Variants in KCNC2 observed in about 807,000 individuals in gnomAD.
KCNC2 encodes the protein potassium voltage-gated channel subfamily C member 2, also known as voltage-gated potassium channel KCNC2.
Under a neutral mutation model 44.5 loss-of-function variants are expected in KCNC2, and 21 were observed. That is an observed-to-expected ratio of 0.47 (90% confidence interval 0.33 to 0.68). KCNC2 has a LOEUF of 0.68. KCNC2 is among the 30% of genes least tolerant of loss of function. The pLI is 0.01. For missense variants in KCNC2, 589 were observed against 826.2 expected, an observed-to-expected ratio of 0.71 and a Z score of 3.52; for synonymous variants, 391 against 339.1, an observed-to-expected ratio of 1.15 and a Z score of -1.68.
chr12:75,175,493 G>T (rs1213082874), intron 2 of KCNC2, among the ~76,000 whole-genome samples: 1 of 151,954 alleles, frequency 6.6e-6, no homozygotes, highest in African/African-American at 2.4e-5. Context: ...TGACAGAATT[G>T]TACATTTGGT....
intron 2 of KCNC2, among the ~76,000 whole-genome samples, chr12:75,129,869 G>T (rs1888704941): frequency 6.6e-6 from 1 of 152,130 alleles, no homozygotes; most frequent in Non-Finnish European, 1.5e-5. Flanking sequence ...TGGCAATTTA[G>T]GTATGTGGTT....
chr12:75,178,317 A>G (rs534848681), intron 2 of KCNC2, among the ~76,000 whole-genome samples: 2 of 152,138 alleles, frequency 1.3e-5, no homozygotes, highest in South Asian at 4.1e-4. Flanking sequence ...CTGTTATAAT[A>G]TAAATAAGGT....
intron 2 of KCNC2, among the ~76,000 whole-genome samples, chr12:75,104,016 C>T (rs763094069): frequency 6.6e-6 from 1 of 152,014 alleles, no homozygotes; most frequent in African/African-American, 2.4e-5. Context: ...TCTGATGATG[C>T]GTCAGAAGGA....
At chr12:75,196,508 A>G (rs2030779721) in intron 2 of KCNC2, among the ~76,000 whole-genome samples, 1 of 152,064 alleles carries the variant, frequency 6.6e-6, no homozygotes, top group Admixed American at 6.6e-5. Flanking sequence ...AATACAAATG[A>G]CATTTCTAGA....
chr12:75,091,753 A>T (rs1402764531), intron 2 of KCNC2, among the ~76,000 whole-genome samples: 2 of 151,612 alleles, frequency 1.3e-5, no homozygotes, highest in Admixed American at 6.6e-5. Flanking sequence ...GTAGGCACCT[A>T]TACAGTGCTA....
chr12:75,086,699 T>TATATATATATATATATATATATAC (rs1339170718), intron 2 of KCNC2, among the ~76,000 whole-genome samples: 1 of 138,872 alleles, frequency 7.2e-6, no homozygotes, highest in African/African-American at 2.8e-5. Flanking sequence ...TATATATATA[T>TATATATATATATATATATATATAC]ACACACACAT....
intron 2 of KCNC2, among the ~76,000 whole-genome samples, chr12:75,061,566 TAC>T (rs59052402): frequency 0.019 from 2,755 of 143,356 alleles, 40 homozygotes; most frequent in African/African-American, 0.029. Flanking sequence ...AAGTGACAAG[TAC>T]ACACACACAC....
chr12:75,112,063 T>C (rs1194748464), intron 2 of KCNC2, among the ~76,000 whole-genome samples: 1 of 151,952 alleles, frequency 6.6e-6, no homozygotes, highest in East Asian at 1.9e-4. Context: ...TTTTTAAATA[T>C]CTTTTTAATT....
At chr12:75,187,341 T>A (rs1034949789) in intron 2 of KCNC2, among the ~76,000 whole-genome samples, 2 of 152,256 alleles carry the variant, frequency 1.3e-5, no homozygotes, top group African/African-American at 2.4e-5. Context: ...ATATTGCCAT[T>A]ATTTAAAATA....
At chr12:75,123,077 A>G (rs148853658) in intron 2 of KCNC2, among the ~76,000 whole-genome samples, 11 of 152,240 alleles carry the variant, frequency 7.2e-5, no homozygotes, top group Middle Eastern at 3.4e-3. Context: ...TTAAAAATAA[A>G]TAAATAAAAT....
At chr12:75,143,235 C>T (rs894445834) in intron 2 of KCNC2, among the ~76,000 whole-genome samples, 12 of 152,146 alleles carry the variant, frequency 7.9e-5, no homozygotes, top group African/African-American at 2.7e-4. Flanking sequence ...GAGTTGACCT[C>T]GGCGATCTCC....
chr12:75,049,515 A>T (rs1366260545), intron 3 of KCNC2, among the ~76,000 whole-genome samples: 1 of 152,108 alleles, frequency 6.6e-6, no homozygotes, highest in Non-Finnish European at 1.5e-5. Flanking sequence ...CATCACTATT[A>T]CTTTGGCAGC....
Position 75,109,678 on chromosome 12 carries a change from C to G in KCNC2, c.688-58361G>C. On this transcript the variant is annotated intron_variant, in intron 2 of 4. Transcript: ENST00000549446. ...CAAAATTCTATTGAGTTTTTACCCT[C>G]CCCTGCTTGTCTAGCATATACAGGA... is the stretch of plus-strand genomic sequence containing the variant. Among the ~76,000 whole-genome samples the G allele has an allele frequency of 1.3e-5, 2 of 152,032 alleles. 1 individual carries two copies. Among genetic ancestry groups the G allele is most frequent in the Non-Finnish European group, 2.9e-5 (2 of 68,018 alleles).
chr12:75,057,708 T>C (rs1881894575), intron 2 of KCNC2, among the ~76,000 whole-genome samples: 3 of 151,922 alleles, frequency 2.0e-5, no homozygotes, highest in South Asian at 4.1e-4. Flanking sequence ...TAAATAAATA[T>C]TTAAGTACAG....
chr12:75,087,875 G>C (rs1885154804), intron 2 of KCNC2, among the ~76,000 whole-genome samples: 1 of 151,906 alleles, frequency 6.6e-6, no homozygotes, highest in African/African-American at 2.4e-5. Flanking sequence ...TATGACACAG[G>C]CTTATGTGTT....
At chr12:75,165,893 T>C (rs1891417075) in intron 2 of KCNC2, among the ~76,000 whole-genome samples, 1 of 151,406 alleles carries the variant, frequency 6.6e-6, no homozygotes, top group East Asian at 1.9e-4. Flanking sequence ...GAAACTGATA[T>C]AAAGATTTGG....
At chr12:75,167,992 T>C (rs901993415) in intron 2 of KCNC2, among the ~76,000 whole-genome samples, 1 of 151,414 alleles carries the variant, frequency 6.6e-6, no homozygotes, top group Non-Finnish European at 1.5e-5. Context: ...TTGCTTAAAA[T>C]GTATAATATG....
intron 2 of KCNC2, among the ~76,000 whole-genome samples, chr12:75,199,060 A>G (rs911566653): frequency 3.3e-5 from 5 of 151,894 alleles, no homozygotes; most frequent in Non-Finnish European, 1.5e-5. Context: ...GTAAAATAAG[A>G]GAATTTATGC....
At chr12:75,068,904 G>A (rs1420957107) in intron 2 of KCNC2, among the ~76,000 whole-genome samples, 2 of 152,094 alleles carry the variant, frequency 1.3e-5, no homozygotes, top group Admixed American at 1.3e-4. Context: ...TCAAGGCAAA[G>A]TCTTAAGGGG....
Sources: gnomAD v4.1 joint callset for allele counts (sites outside exome capture counted in the v4.1 genomes callset) on GRCh38, gnomAD v4.1.1 for gene constraint, MANE v1.5 for transcripts, NCBI Gene and HGNC (gene_info 2026-07-23, HGNC 2026-07-21) for gene names.